The following GLIS3 variants were observed in gnomAD, a reference collection of about 807,000 sequenced individuals.
GLIS3 encodes GLIS family zinc finger 3, also known as zinc finger protein GLIS3.
In GLIS3, 53 loss-of-function variants were observed where a neutral mutation model predicts 78.6. The ratio of observed to expected loss-of-function variants is 0.67; its 90% CI spans 0.54 to 0.85. The LOEUF (loss-of-function observed/expected upper bound fraction) is 0.85. Among genes scored for constraint, GLIS3 ranks in the 40% least tolerant of loss-of-function variants. GLIS3 has a pLI of 0.00. For missense variants in GLIS3, 1,703 were observed against 1,231.1 expected, an observed-to-expected ratio of 1.38 and a Z score of -5.74; for synonymous variants, 684 against 509.9, an observed-to-expected ratio of 1.34 and a Z score of -4.60.
chr9:3,849,075 T>C (rs1028563503), intron 9 of GLIS3, among the ~76,000 whole-genome samples: 1 of 152,090 alleles, frequency 6.6e-6, no homozygotes, highest in Non-Finnish European at 1.5e-5. Flanking sequence ...CCTAACGAAA[T>C]CTAGTAAGTG....
intron 4 of GLIS3, among the ~76,000 whole-genome samples, chr9:4,020,042 C>T (rs935738535): frequency 2.6e-5 from 4 of 152,296 alleles, no homozygotes; most frequent in Middle Eastern, 3.4e-3. Context: ...TGAGCCACTG[C>T]ACCTAGCCTA....
the GLIS3 span, among the ~76,000 whole-genome samples, chr9:4,399,250 A>G: frequency 6.6e-6 from 1 of 152,206 alleles, no homozygotes; most frequent in African/African-American, 2.4e-5. Context: ...ATATGTATCA[A>G]AATGTGACTA....
intron 2 of GLIS3, among the ~76,000 whole-genome samples, chr9:4,312,985 T>C (rs1256670250): frequency 1.3e-5 from 2 of 152,234 alleles, no homozygotes; most frequent in African/African-American, 4.8e-5. Flanking sequence ...CTCCCCAGGA[T>C]ACACAATGAC....
At chr9:4,283,104 C>T (rs1479982083) in intron 2 of GLIS3, among the ~76,000 whole-genome samples, 1 of 151,612 alleles carries the variant, frequency 6.6e-6, no homozygotes, top group Admixed American at 6.6e-5. Flanking sequence ...CACATACACA[C>T]ACACACACAC....
At chr9:4,276,142 C>T (rs536659220) in intron 2 of GLIS3, among the ~76,000 whole-genome samples, 279 of 150,088 alleles carry the variant, frequency 1.9e-3, no homozygotes, top group Non-Finnish European at 2.8e-3. Context: ...AGAAATTAGC[C>T]GGTGGTGACA....
rs565055680 is a variant in GLIS3 at position 3,883,210 on chromosome 9, G to T, written c.2129-3615C>A. Reference sequence around the variant, plus strand: ...CTCTTTTACTTATCCTGATTTCTAGGAATTTCTGACCATATCACAGTCATG... The same window carrying T: ...CTCTTTTACTTATCCTGATTTCTAGTAATTTCTGACCATATCACAGTCATG... On this transcript the variant is annotated intron_variant, in intron 7 of 10. Transcript: ENST00000381971. 1.1e-4 allele frequency among the ~76,000 whole-genome samples: 17 copies of T among 152,242 alleles called. 1 individual carries two copies. In the East Asian group the frequency reaches 1.4e-3, roughly 12 times the overall value.
At chr9:4,479,946 G>A in the GLIS3 span, among the ~76,000 whole-genome samples, 2 of 143,322 alleles carry the variant, frequency 1.4e-5, no homozygotes, top group African/African-American at 5.2e-5. Context: ...GTAGAGATGG[G>A]TTTTCGCCAT....
the GLIS3 span, among the ~76,000 whole-genome samples, chr9:4,405,606 C>G: frequency 6.6e-6 from 1 of 151,970 alleles, no homozygotes; most frequent in Admixed American, 6.6e-5. Context: ...TAAAGAAAAG[C>G]CCAAGACCCA....
At chr9:4,377,015 G>A in the GLIS3 span, among the ~76,000 whole-genome samples, 5 of 135,218 alleles carry the variant, frequency 3.7e-5, 2 homozygotes, top group African/African-American at 1.3e-4. Flanking sequence ...CCAATAACTT[G>A]GCAGAAAATT....
At chr9:4,166,468 T>A (rs1815847291) in intron 2 of GLIS3, among the ~76,000 whole-genome samples, 1 of 152,186 alleles carries the variant, frequency 6.6e-6, no homozygotes, top group Non-Finnish European at 1.5e-5. Context: ...TAAGACGTGA[T>A]GGGAAGAATA....
At chr9:3,994,241 A>C (rs997562452) in intron 4 of GLIS3, among the ~76,000 whole-genome samples, 1 of 152,184 alleles carries the variant, frequency 6.6e-6, no homozygotes, top group Non-Finnish European at 1.5e-5. Context: ...GTAGTTTCTC[A>C]TTATGGTCTC....
intron 2 of GLIS3, among the ~76,000 whole-genome samples, chr9:4,237,278 A>G (rs1587091638): frequency 6.6e-6 from 1 of 152,266 alleles, no homozygotes; most frequent in East Asian, 1.9e-4. Context: ...GGTTAAGTAC[A>G]GTACAGTCTC....
rs186761305 is a variant in GLIS3 at position 3,878,218 on chromosome 9, A to G, written c.2297+1209T>C. Among the ~76,000 whole-genome samples, 18 of 151,798 alleles carry G rather than the reference A, an allele frequency of 1.2e-4. No individual in the cohort carries two copies. In the East Asian group the frequency reaches 2.3e-3, roughly 20 times the overall value. On this transcript the variant is annotated intron_variant, in intron 8 of 10. Coordinates refer to ENST00000381971, the MANE Select transcript of GLIS3 (RefSeq NM_001042413.2). The stretch of plus-strand genomic sequence containing the variant: ...CCTCACCCCCGAGACAGATTTAGAG[A>G]CATCCTCTTTAGGCTCCTGTGGGAT...
At chr9:4,338,269 C>G (rs755435218) in intron 2 of GLIS3, among the ~76,000 whole-genome samples, 4 of 151,934 alleles carry the variant, frequency 2.6e-5, no homozygotes, top group Non-Finnish European at 4.4e-5. Context: ...TAAAACACAG[C>G]TTTCAGGTCT....
chr9:4,458,605 T>C, the GLIS3 span, among the ~76,000 whole-genome samples: 3 of 151,964 alleles, frequency 2.0e-5, no homozygotes, highest in Non-Finnish European at 4.4e-5. Context: ...CTGGCCAACA[T>C]AGTGAAATCC....
intron 2 of GLIS3, among the ~76,000 whole-genome samples, chr9:4,346,023 C>G (rs575954128): frequency 6.6e-6 from 1 of 152,000 alleles, no homozygotes; most frequent in African/African-American, 2.4e-5. Context: ...TCAGTGAGAT[C>G]TAGGAGACAA....
the GLIS3 span, among the ~76,000 whole-genome samples, chr9:4,453,345 CAAAAAAAAA>C: frequency 4.4e-5 from 4 of 91,650 alleles, no homozygotes; most frequent in African/African-American, 1.5e-4. Context: ...TTCTGCACAG[CAAAAAAAAA>C]AAAAAAAAAA....
At chr9:4,182,841 A>T (rs1256867699) in intron 2 of GLIS3, among the ~76,000 whole-genome samples, 3 of 152,218 alleles carry the variant, frequency 2.0e-5, no homozygotes, top group African/African-American at 7.2e-5. Flanking sequence ...CATGAGTAAA[A>T]GCATCTGAGT....
the GLIS3 span, among the ~76,000 whole-genome samples, chr9:4,366,255 T>C: frequency 1.3e-5 from 2 of 152,192 alleles, no homozygotes; most frequent in Admixed American, 6.5e-5. Context: ...AGATTTTACT[T>C]TGATCATATA....
Sources: allele counts gnomAD v4.1 joint callset (sites outside exome capture counted in the v4.1 genomes callset), GRCh38; gene constraint gnomAD v4.1.1; transcripts MANE v1.5; gene names NCBI Gene and HGNC (gene_info 2026-07-23, HGNC 2026-07-21).